The following SLC24A2 variants were observed in gnomAD, a reference collection of about 807,000 sequenced individuals.
The protein encoded by SLC24A2 is solute carrier family 24 member 2, also known as sodium/potassium/calcium exchanger 2.
SLC24A2 carries 36 observed loss-of-function variants against 62.0 expected under a neutral mutation model. The ratio of observed to expected loss-of-function variants is 0.58; its 90% CI spans 0.44 to 0.77. SLC24A2 has a LOEUF of 0.77. Among genes scored for constraint, SLC24A2 ranks in the 30% least tolerant of loss-of-function variants. The pLI, the probability that SLC24A2 is intolerant of heterozygous loss-of-function variation, is 0.00. For missense variants in SLC24A2, 846 were observed against 817.9 expected (o/e 1.03, Z -0.42); for synonymous variants, 358 against 294.0 (o/e 1.22, Z -2.23).
At position 19,789,003 on chromosome 9, in the gene SLC24A2, GCTCT is replaced by G; in HGVS notation, c.-276_-273del. ...CGGGCTCTGGCTCGCACTGGCTGCC[GCTCT>G]CGCCAGCCGGGCTGGGTTCGGGAGG... On this transcript the variant is annotated 5_prime_UTR_variant, in exon 1 of 11. Coordinates refer to ENST00000341998, the MANE Select transcript of SLC24A2 (RefSeq NM_020344.4). 1.1e-6 allele frequency: 1 copy of G among 942,946 alleles called. No homozygotes were observed. Among genetic ancestry groups the G allele is most frequent in the Non-Finnish European group, 1.3e-6 (1 of 791,090 alleles). The allele number at this position is 942,946 out of a possible 1,614,324, so 58.4% of individuals were successfully genotyped here.
At position 19,597,253 on chromosome 9, in the gene SLC24A2, A is replaced by G; in HGVS notation, c.1105T>C (p.Tyr369His). The G allele has an allele frequency of 6.3e-7, 1 of 1,588,794 alleles. No homozygotes were observed. The highest frequency in any genetic ancestry group is 8.6e-7 in the Non-Finnish European group (1 of 1,157,082). Residue 369 changes from tyrosine to histidine, a missense_variant, in exon 5 of 11, where the codon TAT becomes CAT. Physicochemically the swap from Tyr to His is moderately conservative, Grantham distance 83. Coordinates refer to ENST00000341998, the MANE Select transcript of SLC24A2 (RefSeq NM_020344.4). ...CCTTCTTCAGTCATTGTGTCATAAT[A>G]TTTTAGTTTTCCATATGATCCAAGT... ...EELGSYGKLK[Y>H]YDTMTEEGRF...
At chr9:20,073,919 G>GAT in the SLC24A2 span, among the ~76,000 whole-genome samples, 50,802 of 140,404 alleles carry the variant, frequency 0.36, 9,765 homozygotes, top group Non-Finnish European at 0.45. Flanking sequence ...CTTGTGGGGA[G>GAT]ATATATATAT....
chr9:19,831,141 G>A, the SLC24A2 span, among the ~76,000 whole-genome samples: 3 of 152,276 alleles, frequency 2.0e-5, no homozygotes, highest in Admixed American at 2.0e-4. Flanking sequence ...TCTCCCAGAG[G>A]CCACATCTCT....
chr9:20,106,512 G>A, the SLC24A2 span, among the ~76,000 whole-genome samples: 7 of 152,192 alleles, frequency 4.6e-5, no homozygotes. Context: ...GATCAAGTGG[G>A]CTTCATCCCT....
the SLC24A2 span, among the ~76,000 whole-genome samples, chr9:19,920,167 A>G: frequency 1.8e-3 from 272 of 152,238 alleles, 2 homozygotes; most frequent in African/African-American, 6.3e-3. Flanking sequence ...AAATTTATCA[A>G]ATTGATTCAT....
the SLC24A2 span, among the ~76,000 whole-genome samples, chr9:20,044,235 G>A: frequency 5.9e-5 from 9 of 152,176 alleles, no homozygotes; most frequent in African/African-American, 1.9e-4. Flanking sequence ...ACTTTTACAT[G>A]CACGACGAAA....
chr9:19,613,376 G>T (rs1019971530), intron 4 of SLC24A2, among the ~76,000 whole-genome samples: 11 of 152,200 alleles, frequency 7.2e-5, no homozygotes, highest in African/African-American at 2.4e-4. Flanking sequence ...TTTAGAAGCA[G>T]TTCAAGACCA....
the SLC24A2 span, among the ~76,000 whole-genome samples, chr9:20,281,667 T>C: frequency 3.2e-4 from 48 of 152,258 alleles, no homozygotes; most frequent in African/African-American, 1.1e-3. Context: ...CTCAGCATCA[T>C]TGTTGTATAG....
intron 7 of SLC24A2, among the ~76,000 whole-genome samples, chr9:19,552,024 TATA>T (rs1381118212): frequency 6.6e-6 from 1 of 152,176 alleles, no homozygotes; most frequent in African/African-American, 2.4e-5. Flanking sequence ...AGGGATTAGG[TATA>T]ATAATAATAA....
chr9:20,044,205 T>C, the SLC24A2 span, among the ~76,000 whole-genome samples: 1 of 152,098 alleles, frequency 6.6e-6, no homozygotes, highest in Non-Finnish European at 1.5e-5. Context: ...CCACACTTAA[T>C]AGACTATAGT....
the SLC24A2 span, among the ~76,000 whole-genome samples, chr9:20,230,386 C>T: frequency 1.3e-5 from 2 of 152,220 alleles, no homozygotes; most frequent in African/African-American, 4.8e-5. Context: ...CACATCCTCT[C>T]CAGCACCTGT....
At chr9:20,120,710 G>A in the SLC24A2 span, among the ~76,000 whole-genome samples, 1 of 150,310 alleles carries the variant, frequency 6.7e-6, no homozygotes, top group East Asian at 2.0e-4. Flanking sequence ...AAAAGTTGGG[G>A]AAAAAAAAAT....
chr9:20,231,394 A>T, the SLC24A2 span, among the ~76,000 whole-genome samples: 10 of 151,710 alleles, frequency 6.6e-5, no homozygotes, highest in Non-Finnish European at 1.2e-4. Context: ...TTTGTTTGTA[A>T]CCTCTTTTAT....
the SLC24A2 span, among the ~76,000 whole-genome samples, chr9:19,995,670 T>C: frequency 1.3e-5 from 2 of 152,266 alleles, no homozygotes; most frequent in Non-Finnish European, 2.9e-5. Context: ...TATTCTGCTA[T>C]AATCTTTACT....
chr9:20,175,045 T>G, the SLC24A2 span, among the ~76,000 whole-genome samples: 1 of 151,350 alleles, frequency 6.6e-6, no homozygotes, highest in African/African-American at 2.4e-5. Context: ...GATGGACTAC[T>G]ACTTAGCCAT....
At chr9:19,603,651 C>G (rs960446971) in intron 4 of SLC24A2, among the ~76,000 whole-genome samples, 10 of 152,070 alleles carry the variant, frequency 6.6e-5, no homozygotes, top group Admixed American at 1.3e-4. Context: ...GAGGCTTTGC[C>G]TAGACTACTG....
chr9:19,837,494 A>G, the SLC24A2 span, among the ~76,000 whole-genome samples: 3 of 143,512 alleles, frequency 2.1e-5, no homozygotes, highest in Admixed American at 6.9e-5. Flanking sequence ...AAAAAAAAAA[A>G]AGAAAACTGG....
At chr9:19,882,819 T>C in the SLC24A2 span, among the ~76,000 whole-genome samples, 2 of 152,160 alleles carry the variant, frequency 1.3e-5, no homozygotes, top group Non-Finnish European at 2.9e-5. Context: ...AAAAATGTCA[T>C]CTTTTAATAT....
chr9:19,603,625 G>T, intron 4 of SLC24A2, among the ~76,000 whole-genome samples: 1 of 152,084 alleles, frequency 6.6e-6, no homozygotes, highest in Non-Finnish European at 1.5e-5. Context: ...CATTTCCACT[G>T]CCCTGGCCTT....
Sources: allele counts gnomAD v4.1 joint callset (sites outside exome capture counted in the v4.1 genomes callset), GRCh38; gene constraint gnomAD v4.1.1; transcripts MANE v1.5; gene names NCBI Gene and HGNC (gene_info 2026-07-23, HGNC 2026-07-21).